METTL27: variants seen among roughly 807,000 people sequenced by gnomAD.
The protein encoded by METTL27 is methyltransferase-like protein 27.
In METTL27, 29 loss-of-function variants were observed where a neutral mutation model predicts 24.5. That is an observed-to-expected ratio of 1.18 (90% CI 0.88 to 1.61). The LOEUF (loss-of-function observed/expected upper bound fraction) is 1.61. METTL27 is among the 40% of genes most tolerant of loss of function. The pLI, the probability that METTL27 is intolerant of heterozygous loss-of-function variation, is 0.00. For missense variants in METTL27, 341 were observed against 324.3 expected, an observed-to-expected ratio of 1.05 and a Z score of -0.40; for synonymous variants, 138 against 146.8, an observed-to-expected ratio of 0.94 and a Z score of 0.43.
intron 5 of METTL27, among the ~76,000 whole-genome samples, chr7:73,839,333 G>A (rs760266945): frequency 6.6e-6 from 1 of 152,082 alleles, no homozygotes; most frequent in Non-Finnish European, 1.5e-5. Flanking sequence ...CACGGCTCTC[G>A]TGGGGCCACC....
Position 73,840,079 on chromosome 7 carries a change from C to G in METTL27, c.430G>C (p.Gly144Arg). The change falls in exon 5 of 6, where the codon GGC (glycine) becomes CGC (arginine). Residue 144 changes from glycine (G) to arginine (R), a missense_variant. Transcript: ENST00000297873. ...GGTATCGCATTGCAGGGCACCTGGC[C>G]GTCACTGAGGGCACCGACTATCAGC... ...AVLIVGALSD[G>R]QVPCNAIPEL... The G allele has an allele frequency of 6.2e-7, 1 of 1,606,692 alleles. No homozygotes were observed. The highest frequency in any genetic ancestry group is 8.5e-7 in the Non-Finnish European group (1 of 1,178,352).
At chr7:73,836,643 G>A (rs1446950021) in intron 5 of METTL27, among the ~76,000 whole-genome samples, 1 of 8,042 alleles carries the variant, frequency 1.2e-4, no homozygotes, top group Non-Finnish European at 3.5e-4. Flanking sequence ...CAGCCGCCCC[G>A]TCCGGGAGGG....
rs1221007714 is a variant in METTL27, at chr7:73,840,551, T to C, written c.253-2A>G. ...CTGGAGGAAGCCTGGAGCCCGCAGC[T>C]GGGGTAGGGGTGGGAGACTCAGTCA... On this transcript the variant is annotated splice_acceptor_variant, in intron 3 of 5. Coordinates refer to ENST00000297873, the MANE Select transcript of METTL27 (RefSeq NM_152559.3). LOFTEE classifies it high-confidence loss of function. The C allele has an allele frequency of 6.3e-7, 1 of 1,585,532 alleles. No individual in the cohort carries two copies. Among genetic ancestry groups the C allele is most frequent in the Non-Finnish European group, 8.6e-7 (1 of 1,166,906 alleles).
chr7:73,840,253 G>C (rs782780315), intron 4 of METTL27, 133 bp from the exon 5 acceptor site: 28 of 1,455,534 alleles, frequency 1.9e-5, no homozygotes, highest in Non-Finnish European at 2.6e-5. Context: ...GTCCCCTAGA[G>C]GATAAGGTAA....
chr7:73,841,381 G>C (rs868984566), intron 2 of METTL27, among the ~76,000 whole-genome samples, 183 bp from the exon 3 acceptor site: 1 of 152,058 alleles, frequency 6.6e-6, no homozygotes, highest in Non-Finnish European at 1.5e-5. Context: ...CAGGACTGGA[G>C]AGTTAGCCCC....
At chr7:73,835,110 T>A (rs565571770) in intron 5 of METTL27, 108 bp from the exon 6 acceptor site, 1 of 1,435,576 alleles carries the variant, frequency 7.0e-7, no homozygotes, top group East Asian at 2.5e-5. Flanking sequence ...ACTTAAAAGA[T>A]TGGGGACGCT....
chr7:73,837,526 C>T (rs1352585619), intron 5 of METTL27, among the ~76,000 whole-genome samples: 1 of 148,168 alleles, frequency 6.7e-6, no homozygotes, highest in Non-Finnish European at 1.5e-5. Context: ...CTTCCCAGGG[C>T]AGTCTTTCTG....
chr7:73,835,436 A>G (rs931886548), intron 5 of METTL27, among the ~76,000 whole-genome samples: 1 of 143,984 alleles, frequency 6.9e-6, no homozygotes, highest in East Asian at 2.0e-4. Flanking sequence ...GCCGGTCTCC[A>G]GCCCCTAACC....
chr7:73,841,284 C>G, intron 2 of METTL27, 86 bp from the exon 3 acceptor site: 1 of 1,491,170 alleles, frequency 6.7e-7, no homozygotes, highest in South Asian at 1.4e-5. Context: ...GTCTGCCAGG[C>G]TAAGCTGTGT....
chr7:73,835,443 A>T (rs1788142330), intron 5 of METTL27, among the ~76,000 whole-genome samples: 1 of 143,470 alleles, frequency 7.0e-6, no homozygotes, highest in Admixed American at 6.9e-5. Context: ...TCCAGCCCCT[A>T]ACCGCACGTG....
chr7:73,840,414 C>G lies in METTL27; in HGVS notation c.388G>C (p.Gly130Arg). The part of the protein sequence containing the change: ...LGQEPLPSPE[G>R]TFDAVLIVGA... ...GGTGTGGAGGTGGGAGAGAAAGTAC[C>G]TTCCGGGCTGGGCAGAGGCTCCTGG... The change falls in exon 4 of 6, where the codon GGG becomes CGG. Residue 130 changes from glycine to arginine, a missense_variant and splice_region_variant. Transcript: ENST00000297873. 6.4e-7 allele frequency: 1 copy of G among 1,572,410 alleles called. No homozygotes were observed. Among genetic ancestry groups the G allele is most frequent in the Non-Finnish European group, 8.6e-7 (1 of 1,159,280 alleles).
intron 1 of METTL27, 42 bp downstream of exon 1, chr7:73,842,448 C>T: frequency 2.9e-6 from 1 of 345,930 alleles, no homozygotes; most frequent in Non-Finnish European, 5.2e-6. Flanking sequence ...GGGCGACATC[C>T]GGAGCGAAAC....
chr7:73,842,261 T>G, intron 1 of METTL27, 117 bp from the exon 2 acceptor site: 3 of 1,441,154 alleles, frequency 2.1e-6, no homozygotes, highest in Non-Finnish European at 2.7e-6. Context: ...GCGCGACCCC[T>G]ATCCCGGCCC....
chr7:73,839,726 C>A, intron 5 of METTL27: 1 of 353,270 alleles, frequency 2.8e-6, no homozygotes. Context: ...CACTGCAGTC[C>A]TACGGGGACT....
chr7:73,836,310 C>T lies in METTL27; in HGVS notation c.479-1308G>A, dbSNP rs572059817. On this transcript the variant is annotated intron_variant, in intron 5 of 5. Coordinates refer to ENST00000297873, the MANE Select transcript of METTL27 (RefSeq NM_152559.3). The stretch of plus-strand genomic sequence containing the variant: ...CAGCCCCCCGCCCGGCCAGCTGCCC[C>T]GTCCAGTAGGTGAGGGGCGCCTCTG... Among the ~76,000 whole-genome samples, 336 of 138,550 alleles carry T rather than the reference C, an allele frequency of 2.4e-3. 5 individuals carry two copies. The highest frequency in any genetic ancestry group is 8.3e-3 in the African/African-American group (309 of 37,218). The allele number at this position is 138,550 out of a possible 152,430, so 90.9% of individuals were successfully genotyped here.
At chr7:73,838,940 A>C (rs10252756) in intron 5 of METTL27, among the ~76,000 whole-genome samples, 3 of 151,954 alleles carry the variant, frequency 2.0e-5, no homozygotes, top group African/African-American at 4.8e-5. Context: ...CTTAGGGTGC[A>C]CCCCATGTGG....
chr7:73,840,094 C>G lies in METTL27; in HGVS notation c.415G>C (p.Gly139Arg), dbSNP rs200876437. Residue 139 changes from glycine to arginine, a missense_variant, in exon 5 of 6, where the codon GGT (glycine) becomes CGT (arginine). By Grantham distance (125) the Gly-to-Arg change is moderately radical (BLOSUM62 -2). Coordinates refer to ENST00000297873, the MANE Select transcript of METTL27 (RefSeq NM_152559.3). The stretch of plus-strand genomic sequence containing the variant: ...GGCACCTGGCCGTCACTGAGGGCAC[C>G]GACTATCAGCACCGCGTCGAAGGTC... ...EGTFDAVLIV[G>R]ALSDGQVPCN... 6.2e-6 allele frequency: 10 copies of G among 1,602,824 alleles called. No individual in the cohort carries two copies. The highest frequency in any genetic ancestry group is 7.6e-6 in the Non-Finnish European group (9 of 1,177,106).
intron 5 of METTL27, among the ~76,000 whole-genome samples, chr7:73,836,187 C>G (rs1182943824): frequency 2.5e-5 from 1 of 40,470 alleles, no homozygotes; most frequent in African/African-American, 6.5e-5. Context: ...GTAGGGGGGT[C>G]AGCCCCCCGC....
At position 73,836,153 on chromosome 7, in the gene METTL27, G is replaced by A. The variant is rs1244264612; in HGVS notation, c.479-1151C>T. ...GGTGGGGGGGTCAGCCCCCTGCCCGGCCAGCCGCCCATCCGGGAGGGAGGT... is the reference window on the plus strand; with the variant it reads ...GGTGGGGGGGTCAGCCCCCTGCCCGACCAGCCGCCCATCCGGGAGGGAGGT... On this transcript the variant is annotated intron_variant, in intron 5 of 5. Coordinates refer to ENST00000297873, the MANE Select transcript of METTL27 (RefSeq NM_152559.3). Among the ~76,000 whole-genome samples the A allele has an allele frequency of 3.0e-4, 33 of 110,462 alleles. No individual in the cohort carries two copies. The South Asian group carries it at 5.2e-3, about 17-fold the overall frequency. The allele number at this position is 110,462 out of a possible 152,430, so 72.5% of individuals were successfully genotyped here.
Sources: allele counts gnomAD v4.1 joint callset (sites outside exome capture counted in the v4.1 genomes callset), GRCh38; gene constraint gnomAD v4.1.1; transcripts MANE v1.5; gene names NCBI Gene and HGNC (gene_info 2026-07-23, HGNC 2026-07-21).